FAM193A: variants seen among roughly 807,000 people sequenced by gnomAD.
FAM193A encodes family with sequence similarity 193 member A, also known as protein FAM193A.
FAM193A carries 22 observed loss-of-function variants against 126.5 expected under a neutral mutation model. That is an observed-to-expected ratio of 0.17 (90% CI 0.12 to 0.25). FAM193A has a LOEUF of 0.25. FAM193A is among the 10% of genes least tolerant of loss of function. The pLI is 1.00. For missense variants in FAM193A, 1,675 were observed against 1,672.8 expected, an observed-to-expected ratio of 1.00 and a Z score of -0.02; for synonymous variants, 761 against 646.8, an observed-to-expected ratio of 1.18 and a Z score of -2.68.
chr4:2,723,688 CAAA>C (rs1720414239), intron 20 of FAM193A, among the ~76,000 whole-genome samples: 1 of 152,152 alleles, frequency 6.6e-6, no homozygotes, highest in African/African-American at 2.4e-5. Context: ...AAGATCATCA[CAAA>C]AGAAGTTATT....
intron 1 of FAM193A, among the ~76,000 whole-genome samples, chr4:2,589,531 G>A (rs1324831639): frequency 1.3e-5 from 2 of 152,286 alleles, no homozygotes; most frequent in East Asian, 1.9e-4. Flanking sequence ...CCATGGAACA[G>A]CCTTGAAATT....
chr4:2,596,595 T>A (rs945548858), intron 2 of FAM193A, among the ~76,000 whole-genome samples: 4 of 152,212 alleles, frequency 2.6e-5, no homozygotes, highest in African/African-American at 7.2e-5. Context: ...GCTTTGAGCT[T>A]AGTATTTCTT....
intron 2 of FAM193A, among the ~76,000 whole-genome samples, chr4:2,606,295 C>T (rs1262802321): frequency 1.3e-5 from 2 of 152,068 alleles, no homozygotes; most frequent in Non-Finnish European, 1.5e-5. Context: ...CGTGATCCAC[C>T]CACCTCTGTC....
At chr4:2,550,091 T>C (rs934941222) in intron 1 of FAM193A, among the ~76,000 whole-genome samples, 13 of 149,286 alleles carry the variant, frequency 8.7e-5, no homozygotes, top group African/African-American at 3.0e-4. Context: ...AGCTGAAGTT[T>C]AGTGCCATGA....
chr4:2,594,756 C>CT (rs1270116699), intron 1 of FAM193A, among the ~76,000 whole-genome samples: 1 of 145,172 alleles, frequency 6.9e-6, no homozygotes, highest in Non-Finnish European at 1.5e-5. Flanking sequence ...ACTTGCTGGT[C>CT]TTGGGACTTT....
At chr4:2,582,200 C>G (rs1351511821) in intron 1 of FAM193A, among the ~76,000 whole-genome samples, 1 of 152,130 alleles carries the variant, frequency 6.6e-6, no homozygotes, top group African/African-American at 2.4e-5. Flanking sequence ...TTTGCCCAGG[C>G]TGAAGTGCAG....
chr4:2,693,771 G>A lies in FAM193A; in HGVS notation c.2989G>A (p.Ala997Thr), dbSNP rs780064243. Residue 997 changes from alanine to threonine, a missense_variant, in exon 16 of 21, where the codon GCA (alanine) becomes ACA (threonine). By Grantham distance (58) the Ala-to-Thr change is moderately conservative. Coordinates refer to ENST00000637812, the MANE Select transcript of FAM193A (RefSeq NM_001366318.2). The stretch of plus-strand genomic sequence containing the variant: ...TGCAGCCCCATCATTCCCCAAAACA[G>A]CAACCACAACTCCTGGGTTTGTGGA... ...NLAAPSFPKT[A>T]TTTPGFVDTR... 7 of 1,614,186 alleles carry A rather than the reference G, an allele frequency of 4.3e-6. No homozygotes were observed. The South Asian group carries it at 7.7e-5, about 18-fold the overall frequency.
rs747531860 is a variant in FAM193A at position 2,672,355 on chromosome 4, C to G, written c.2314C>G (p.Pro772Ala). ...CCACCCCACCTTGTATGCAACGCCC[C>G]CCTTCACACACAGTAAGGTAAGTCA... ...LIHPTLYATP[P>A]FTHSKALPPA... Residue 772 changes from proline (P) to alanine (A), a missense_variant, in exon 13 of 21, where the codon CCC (proline) becomes GCC (alanine). By Grantham distance (27) the Pro-to-Ala change is conservative (BLOSUM62 -1). This residue lies in a region of FAM193A where 1,186 missense variants were observed against 1,109.2 expected (regional missense o/e 1.07). Transcript: ENST00000637812. 11 of 1,614,174 alleles carry G rather than the reference C, an allele frequency of 6.8e-6. No individual in the cohort carries two copies. The highest frequency in any genetic ancestry group is 1.7e-5 in the Admixed American group (1 of 60,020).
At position 2,732,044 on chromosome 4, in the gene FAM193A, T is replaced by A; in HGVS notation, c.*176T>A. 1 of 637,068 alleles carries A rather than the reference T, an allele frequency of 1.6e-6. No individual in the cohort carries two copies. 39.5% of individuals were successfully genotyped at this position (637,068 alleles called of 1,614,324 possible). A position where few individuals can be genotyped will look rare whatever the true frequency, so the allele number is the denominator to read the frequency against. On this transcript the variant is annotated 3_prime_UTR_variant, in exon 21 of 21. Transcript: ENST00000637812. ...GCTCGGCCCACGCCGTTAGCTCGTG[T>A]GCGTGTAGTCTGTGCGTGAGACTCC...
intron 19 of FAM193A, among the ~76,000 whole-genome samples, chr4:2,707,698 C>T (rs1351873169): frequency 6.7e-6 from 1 of 150,024 alleles, no homozygotes; most frequent in Non-Finnish European, 1.5e-5. Flanking sequence ...ACTCAGATTT[C>T]AGATTATATT....
At chr4:2,728,238 ATTTTTTTTTTTTTTTT>A (rs58609064) in intron 20 of FAM193A, among the ~76,000 whole-genome samples, 2 of 82,060 alleles carry the variant, frequency 2.4e-5, no homozygotes, top group African/African-American at 4.9e-5. Flanking sequence ...ACCCGGCCCA[ATTTTTTTTTTTTTTTT>A]TTTTTTTTTG....
At chr4:2,535,894 C>G (rs946525468), upstream of FAM193A, among the ~76,000 whole-genome samples, 2 of 152,152 alleles carry the variant, frequency 1.3e-5, no homozygotes, top group Admixed American at 1.3e-4. Flanking sequence ...CAGCCCCAGG[C>G]CCGGTCCAAG....
chr4:2,549,395 CTTTTTTTTTTT>C (rs869161808), intron 1 of FAM193A, among the ~76,000 whole-genome samples: 3 of 122,648 alleles, frequency 2.4e-5, no homozygotes, highest in African/African-American at 6.6e-5. Context: ...TTCTTTTTTT[CTTTTTTTTTTT>C]TTTTTTTTGA....
chr4:2,543,940 A>G (rs2108806624), intron 1 of FAM193A, among the ~76,000 whole-genome samples: 1 of 148,832 alleles, frequency 6.7e-6, no homozygotes, highest in Middle Eastern at 3.5e-3. Context: ...CTTTGATGGT[A>G]TGATCGTTGT....
intron 2 of FAM193A, among the ~76,000 whole-genome samples, chr4:2,624,287 G>A (rs1742750170): frequency 6.6e-6 from 1 of 152,092 alleles, no homozygotes; most frequent in Non-Finnish European, 1.5e-5. Context: ...TGAGATTACA[G>A]GCGTGCCCCA....
rs767382859 is a variant in FAM193A, at chr4:2,694,910, G to A, written c.3093-36G>A. ...AATGTGAGTCATTGCCTCCCGGGCC[G>A]GCCACTTGCTGATGAGCTTGTATGC... On this transcript the variant is annotated intron_variant, in intron 16 of 20. Transcript: ENST00000637812. The A allele has an allele frequency of 3.0e-5, 46 of 1,541,198 alleles. 2 individuals carry two copies. In the East Asian group the frequency reaches 4.9e-4, roughly 16 times the overall value.
chr4:2,610,835 T>G (rs1305398381), intron 2 of FAM193A, among the ~76,000 whole-genome samples: 2 of 151,992 alleles, frequency 1.3e-5, no homozygotes, highest in Non-Finnish European at 2.9e-5. Flanking sequence ...CCTCCCAAGT[T>G]CAAGCGATTC....
chr4:2,565,836 A>C (rs979830071), intron 1 of FAM193A, among the ~76,000 whole-genome samples: 1 of 152,204 alleles, frequency 6.6e-6, no homozygotes, highest in Non-Finnish European at 1.5e-5. Context: ...TTTGCTGGCT[A>C]TCTTTTGGCA....
chr4:2,648,652 G>C (rs1348832541), intron 7 of FAM193A, among the ~76,000 whole-genome samples: 1 of 152,224 alleles, frequency 6.6e-6, no homozygotes, highest in East Asian at 1.9e-4. Context: ...GAGCATCCCA[G>C]GGGCTGCAGC....
Sources: allele counts gnomAD v4.1 joint callset (sites outside exome capture counted in the v4.1 genomes callset), GRCh38; gene constraint gnomAD v4.1.1; regional missense constraint gnomAD v4.1.1; transcripts MANE v1.5; gene names NCBI Gene and HGNC (gene_info 2026-07-23, HGNC 2026-07-21).